FREM1: variants seen among roughly 807,000 people sequenced by gnomAD.
FREM1 encodes FRAS1-related extracellular matrix protein 1.
FREM1 carries 220 observed loss-of-function variants against 210.1 expected under a neutral mutation model. That is an observed-to-expected ratio of 1.05 (90% confidence interval 0.94 to 1.17). The LOEUF is 1.17. FREM1 is among the 50% of genes most tolerant of loss of function. FREM1 has a pLI of 0.00. For missense variants in FREM1, 3,454 were observed against 2,675.5 expected (o/e 1.29, Z -6.42); for synonymous variants, 1,189 against 980.2 (o/e 1.21, Z -3.98).
intron 32 of FREM1, 46 bp from the exon 33 acceptor site, chr9:14,747,474 C>T (rs1262350324): frequency 6.4e-7 from 1 of 1,550,952 alleles, no homozygotes; most frequent in Non-Finnish European, 8.7e-7. Context: ...AAACAAACAT[C>T]AAGATAGCAA....
chr9:14,812,878 C>T lies in FREM1; in HGVS notation c.2827G>A (p.Gly943Arg), dbSNP rs779763856. Residue 943 changes from glycine (G) to arginine (R), a missense_variant, in exon 16 of 37, where the codon GGA (glycine) becomes AGA (arginine). Coordinates refer to ENST00000380880, the MANE Select transcript of FREM1 (RefSeq NM_001379081.2). ...TGAGAGAACTGATCCACTGTGACTCCAGCTCTCCTCACCACCCCATGCTGA... is the reference window on the plus strand; with the variant it reads ...TGAGAGAACTGATCCACTGTGACTCTAGCTCTCCTCACCACCCCATGCTGA... ...EPQHGVVRRA[G>R]VTVDQFSQRD... 6 of 1,613,748 alleles carry T rather than the reference C, an allele frequency of 3.7e-6. No homozygotes were observed. The highest frequency in any genetic ancestry group is 5.1e-6 in the Non-Finnish European group (6 of 1,179,832).
chr9:14,773,199 C>T (rs1184730580), intron 25 of FREM1, among the ~76,000 whole-genome samples: 5 of 152,072 alleles, frequency 3.3e-5, no homozygotes, highest in African/African-American at 1.2e-4. Flanking sequence ...CTCACCTGAC[C>T]CCTTTAAAGG....
intron 16 of FREM1, among the ~76,000 whole-genome samples, chr9:14,811,038 C>G (rs951690832): frequency 2.0e-4 from 30 of 152,218 alleles, no homozygotes; most frequent in Admixed American, 1.4e-3. Context: ...ACTGAAACCT[C>G]AGATCCTACA....
intron 25 of FREM1, among the ~76,000 whole-genome samples, chr9:14,771,696 C>T (rs1563885608): frequency 6.6e-6 from 1 of 152,276 alleles, no homozygotes; most frequent in Non-Finnish European, 1.5e-5. Flanking sequence ...TTACACCAAC[C>T]TGATACTACT....
Position 14,808,015 on chromosome 9 carries a change from G to T in FREM1, c.3013C>A (p.His1005Asn). 2 of 1,613,822 alleles carry T rather than the reference G, an allele frequency of 1.2e-6. No individual in the cohort carries two copies. Among genetic ancestry groups the T allele is most frequent in the Non-Finnish European group, 1.7e-6 (2 of 1,179,728 alleles). ...AGATCATACACTGGAAAGGACGCAT[G>T]AAGTGGAACAGATGGATTGGGTCCA... is the stretch of plus-strand genomic sequence containing the variant. The part of the protein sequence containing the change: ...YNGPNPSVPL[H>N]ASFPVYDLNI... Residue 1005 changes from histidine (H) to asparagine (N), a missense_variant, in exon 17 of 37, where the codon CAT (histidine) becomes AAT (asparagine). Physicochemically the swap from His to Asn is moderately conservative, Grantham distance 68. Coordinates refer to ENST00000380880, the MANE Select transcript of FREM1 (RefSeq NM_001379081.2).
chr9:14,863,322 C>A (rs796261825), intron 3 of FREM1, among the ~76,000 whole-genome samples: 60 of 121,426 alleles, frequency 4.9e-4, no homozygotes, highest in African/African-American at 1.6e-3. Flanking sequence ...GCCTGGGTGA[C>A]AGAGCAAGAC....
At chr9:14,858,797 A>T (rs1829276884) in intron 4 of FREM1, among the ~76,000 whole-genome samples, 1 of 152,136 alleles carries the variant, frequency 6.6e-6, no homozygotes, top group Admixed American at 6.5e-5. Context: ...CCATAAATGC[A>T]CCAACTACTA....
At chr9:14,823,387 G>C in intron 12 of FREM1, 60 bp from the exon 13 acceptor site, 1 of 1,438,388 alleles carries the variant, frequency 7.0e-7, no homozygotes, top group Non-Finnish European at 9.5e-7. Context: ...AAAGCTTTTA[G>C]AGGTCCAAGA....
At position 14,795,895 on chromosome 9, in the gene FREM1, C is replaced by A. The variant is rs545346027; in HGVS notation, c.3839+1603G>T. On this transcript the variant is annotated intron_variant, in intron 21 of 36. Transcript: ENST00000380880. ...TGGATGCCCCGGGGCCCTCACCCTG[C>A]CAGCTTTCACCTCCCTGCCTCTTAA... is the stretch of plus-strand genomic sequence containing the variant. Among the ~76,000 whole-genome samples the A allele has an allele frequency of 4.6e-3, 700 of 152,226 alleles. 7 individuals are homozygous for A. Among genetic ancestry groups the A allele is most frequent in the African/African-American group, 0.016 (662 of 41,556 alleles).
chr9:14,904,426 A>G (rs1817330085), intron 1 of FREM1, among the ~76,000 whole-genome samples: 1 of 152,244 alleles, frequency 6.6e-6, no homozygotes, highest in Non-Finnish European at 1.5e-5. Flanking sequence ...AGAGCCTGGA[A>G]TGATGCACTG....
intron 29 of FREM1, among the ~76,000 whole-genome samples, chr9:14,752,804 C>T (rs895531815): frequency 1.3e-5 from 2 of 152,008 alleles, no homozygotes; most frequent in Non-Finnish European, 2.9e-5. Flanking sequence ...AACTCCCAAC[C>T]GACTCTCTGA....
intron 3 of FREM1, among the ~76,000 whole-genome samples, chr9:14,860,830 T>A (rs1257239741): frequency 2.4e-5 from 3 of 124,456 alleles, no homozygotes; most frequent in African/African-American, 9.7e-5. Flanking sequence ...TATATACATA[T>A]ATACGTATAT....
intron 36 of FREM1, among the ~76,000 whole-genome samples, chr9:14,739,177 C>T (rs531628880): frequency 2.6e-5 from 4 of 151,674 alleles, no homozygotes; most frequent in Admixed American, 6.6e-5. Flanking sequence ...AATCACGGCT[C>T]ACTGCAGCCT....
intron 27 of FREM1, among the ~76,000 whole-genome samples, chr9:14,760,167 G>A (rs1365274667): frequency 6.6e-6 from 1 of 152,192 alleles, no homozygotes. Context: ...AAAGGCTGCT[G>A]AATGTCTCCC....
intron 10 of FREM1, among the ~76,000 whole-genome samples, chr9:14,832,932 C>A (rs2131005960): frequency 6.6e-6 from 1 of 152,310 alleles, no homozygotes; most frequent in East Asian, 1.9e-4. Context: ...GATGCAGGCC[C>A]AGGACCCCAT....
intron 1 of FREM1, among the ~76,000 whole-genome samples, chr9:14,896,312 G>A (rs370057589): frequency 3.6e-4 from 55 of 152,226 alleles, no homozygotes; most frequent in Middle Eastern, 6.8e-3. Flanking sequence ...TTGGGAGGCC[G>A]AGGTGGGCAG....
chr9:14,868,258 G>C (rs977521317), intron 2 of FREM1, among the ~76,000 whole-genome samples: 2 of 152,058 alleles, frequency 1.3e-5, no homozygotes, highest in Admixed American at 1.3e-4. Flanking sequence ...TGATAACTCG[G>C]GGCAGGAATA....
rs1449375499 is a variant in FREM1 at position 14,748,416 on chromosome 9, A to T, written c.5781T>A (p.Arg1927=). The change falls in exon 31 of 37, where the codon CGT becomes CGA. Residue 1927 remains arginine, a synonymous_variant. Coordinates refer to ENST00000380880, the MANE Select transcript of FREM1 (RefSeq NM_001379081.2). ...TDLSQRKLRT[R]GNGKTVRPSS... is the part of the protein sequence containing the mutation. ...CCATCCTTACTGTTTTGCCATTCCCACGGGTCCTAAGCTTCCTTTGAGAAA... is the reference window on the plus strand; with the variant it reads ...CCATCCTTACTGTTTTGCCATTCCCTCGGGTCCTAAGCTTCCTTTGAGAAA... 1 of 1,609,662 alleles carries T rather than the reference A, an allele frequency of 6.2e-7. No homozygotes were observed. Among genetic ancestry groups the T allele is most frequent in the South Asian group, 1.1e-5 (1 of 90,906 alleles).
chr9:14,853,577 T>A (rs1288717607), intron 5 of FREM1, among the ~76,000 whole-genome samples: 3 of 152,172 alleles, frequency 2.0e-5, no homozygotes, highest in Non-Finnish European at 1.5e-5. Context: ...ATGTCATCAA[T>A]GCCTGATCAA....
Sources: gnomAD v4.1 joint callset for allele counts (sites outside exome capture counted in the v4.1 genomes callset) on GRCh38, gnomAD v4.1.1 for gene constraint, MANE v1.5 for transcripts, NCBI Gene and HGNC (gene_info 2026-07-23, HGNC 2026-07-21) for gene names.